Variants in XYLT1 observed in about 807,000 individuals in gnomAD.
XYLT1 encodes the protein beta-D-xylosyltransferase 1.
Under a neutral mutation model 91.3 loss-of-function variants are expected in XYLT1, and 36 were observed. The observed-to-expected ratio is 0.39, with a 90% confidence interval of 0.30 to 0.52. The LOEUF (loss-of-function observed/expected upper bound fraction) is 0.52, where lower values mean the gene tolerates loss of function less well. Among genes scored for constraint, XYLT1 ranks in the 20% least tolerant of loss-of-function variants. XYLT1 has a pLI of 0.68. For synonymous variants in XYLT1, 588 were observed against 532.0 expected (o/e 1.11, Z -1.45); for missense variants, 1,242 against 1,284.5 (o/e 0.97, Z 0.51).
At chr16:17,456,332 C>CTTT (rs869026409) in intron 1 of XYLT1, among the ~76,000 whole-genome samples, 21 of 114,136 alleles carry the variant, frequency 1.8e-4, no homozygotes, top group East Asian at 4.5e-4. Flanking sequence ...CAGTACAAAC[C>CTTT]TTTTTTTTTT....
intron 10 of XYLT1, among the ~76,000 whole-genome samples, chr16:17,126,240 A>C (rs896667253): frequency 2.0e-4 from 31 of 152,234 alleles, no homozygotes; most frequent in African/African-American, 7.0e-4. Flanking sequence ...AGCGGCCAAC[A>C]TCATTTGTCA....
intron 6 of XYLT1, among the ~76,000 whole-genome samples, chr16:17,154,157 A>G (rs1301429399): frequency 6.6e-6 from 1 of 152,182 alleles, no homozygotes; most frequent in Non-Finnish European, 1.5e-5. Flanking sequence ...CATCTCCCCA[A>G]TACCATGATC....
chr16:17,140,347 A>G (rs2030928545), intron 7 of XYLT1, among the ~76,000 whole-genome samples: 1 of 152,188 alleles, frequency 6.6e-6, no homozygotes, highest in African/African-American at 2.4e-5. Flanking sequence ...ATGATTGGTC[A>G]TTGTGAAGGA....
intron 1 of XYLT1, among the ~76,000 whole-genome samples, chr16:17,448,688 A>AG (rs1567206817): frequency 5.9e-5 from 1 of 16,924 alleles, no homozygotes; most frequent in Admixed American, 5.3e-4. Flanking sequence ...GGGGAGGTGG[A>AG]GGGGGGAGGA....
chr16:17,348,407 C>CT (rs1048997804), intron 2 of XYLT1, among the ~76,000 whole-genome samples: 1 of 152,108 alleles, frequency 6.6e-6, no homozygotes, highest in African/African-American at 2.4e-5. Flanking sequence ...CCAACAGGCC[C>CT]TAAGGTATGG....
chr16:17,437,015 A>T (rs937850579), intron 1 of XYLT1, among the ~76,000 whole-genome samples: 1 of 152,170 alleles, frequency 6.6e-6, no homozygotes, highest in East Asian at 1.9e-4. Flanking sequence ...GACCTGTGCG[A>T]AATGATCCAC....
At chr16:17,330,426 C>T (rs1375536911) in intron 2 of XYLT1, among the ~76,000 whole-genome samples, 1 of 152,022 alleles carries the variant, frequency 6.6e-6, no homozygotes, top group African/African-American at 2.4e-5. Flanking sequence ...AGACCCGCAT[C>T]GTTTCACTCC....
chr16:17,442,849 C>G (rs921188025), intron 1 of XYLT1, among the ~76,000 whole-genome samples: 3 of 152,044 alleles, frequency 2.0e-5, no homozygotes, highest in African/African-American at 7.2e-5. Context: ...TAACCTTCCT[C>G]CAAAACTAAA....
intron 1 of XYLT1, among the ~76,000 whole-genome samples, chr16:17,401,208 A>C (rs923868876): frequency 2.0e-5 from 3 of 152,160 alleles, no homozygotes; most frequent in African/African-American, 7.2e-5. Context: ...GATGTTACAA[A>C]GGAAAAGGGA....
intron 6 of XYLT1, among the ~76,000 whole-genome samples, chr16:17,149,783 G>A (rs2031237513): frequency 6.6e-6 from 1 of 152,138 alleles, no homozygotes; most frequent in South Asian, 2.1e-4. Flanking sequence ...ACTAACCTTA[G>A]GCAACTTTAA....
Position 17,444,345 on chromosome 16 carries a change from CT to C in XYLT1, c.363+26088del, listed in dbSNP as rs932879842. On this transcript the variant is annotated intron_variant, in intron 1 of 11. Coordinates refer to ENST00000261381, the MANE Select transcript of XYLT1 (RefSeq NM_022166.4). ...GGGACCTTTTCTATCTTGTTCACTA[CT>C]TTTTTTGTCTTTTTGAGACAGGTTC... Among the ~76,000 whole-genome samples the C allele has an allele frequency of 5.3e-5, 8 of 152,184 alleles. No individual in the cohort carries two copies. The East Asian group carries it at 1.5e-3, about 29-fold the overall frequency.
chr16:17,457,423 C>T (rs1362639601), intron 1 of XYLT1, among the ~76,000 whole-genome samples: 1 of 152,132 alleles, frequency 6.6e-6, no homozygotes, highest in East Asian at 1.9e-4. Context: ...TGCTTTAATT[C>T]TAAAAGAAAG....
intron 2 of XYLT1, among the ~76,000 whole-genome samples, chr16:17,314,332 G>A (rs1279492914): frequency 6.6e-6 from 1 of 152,116 alleles, no homozygotes; most frequent in Admixed American, 6.5e-5. Context: ...CACCCTTGGG[G>A]TGCTGCAGAG....
intron 3 of XYLT1, among the ~76,000 whole-genome samples, chr16:17,246,553 C>T (rs1022364378): frequency 1.3e-5 from 2 of 152,186 alleles, no homozygotes; most frequent in African/African-American, 4.8e-5. Flanking sequence ...CTGTCACTTG[C>T]AAATGTGACC....
At chr16:17,309,352 T>A (rs914452184) in intron 2 of XYLT1, among the ~76,000 whole-genome samples, 52 of 152,276 alleles carry the variant, frequency 3.4e-4, no homozygotes, top group African/African-American at 1.2e-3. Flanking sequence ...GAGTTGCTAG[T>A]CTAAAATAGT....
intron 3 of XYLT1, among the ~76,000 whole-genome samples, chr16:17,229,059 T>G (rs1053991435): frequency 1.3e-5 from 2 of 152,136 alleles, no homozygotes; most frequent in African/African-American, 4.8e-5. Flanking sequence ...AGCCTCCACC[T>G]CCCAGGCTCA....
chr16:17,436,529 G>C (rs774721904), intron 1 of XYLT1, among the ~76,000 whole-genome samples: 4 of 152,196 alleles, frequency 2.6e-5, no homozygotes, highest in Non-Finnish European at 5.9e-5. Flanking sequence ...AACTGAATTT[G>C]ATCATCTTAT....
At chr16:17,425,990 T>C (rs7498915) in intron 1 of XYLT1, among the ~76,000 whole-genome samples, 44,302 of 152,054 alleles carry the variant, frequency 0.29, 7,343 homozygotes, top group African/African-American at 0.45. Flanking sequence ...CGAGATCTGT[T>C]CCCAATGTTT....
rs149815811 is a variant in XYLT1, at chr16:17,422,681, T to C, written c.363+47753A>G. Among the ~76,000 whole-genome samples the C allele has an allele frequency of 1.2e-4, 18 of 152,128 alleles. 1 individual carries two copies. The highest frequency in any genetic ancestry group is 5.9e-5 in the Non-Finnish European group (4 of 68,018). On this transcript the variant is annotated intron_variant, in intron 1 of 11. Transcript: ENST00000261381. ...CAACACCACGCCTAACTAATTTTTG[T>C]ATTTTTAGTAGAGACGGGGTTTCAC...
Sources: gnomAD v4.1 joint callset for allele counts (sites outside exome capture counted in the v4.1 genomes callset) on GRCh38, gnomAD v4.1.1 for gene constraint, MANE v1.5 for transcripts, NCBI Gene and HGNC (gene_info 2026-07-23, HGNC 2026-07-21) for gene names.